The following COASY variants were observed in gnomAD, a reference collection of about 807,000 sequenced individuals.
The protein encoded by COASY is bifunctional coenzyme A synthase.
COASY carries 31 observed loss-of-function variants against 49.4 expected under a neutral mutation model. The observed-to-expected ratio is 0.63, with a 90% CI of 0.47 to 0.85. The LOEUF is 0.85. Among genes scored for constraint, COASY ranks in the 40% least tolerant of loss-of-function variants. COASY has a pLI of 0.00. For missense variants in COASY, 730 were observed against 734.1 expected (o/e 0.99, Z 0.06); for synonymous variants, 285 against 310.9 (o/e 0.92, Z 0.88).
At position 42,563,191 on chromosome 17, in the gene COASY, G is replaced by C; in HGVS notation, c.569G>C (p.Gly190Ala). 1 of 1,613,932 alleles carries C rather than the reference G, an allele frequency of 6.2e-7. No individual in the cohort carries two copies. The highest frequency in any genetic ancestry group is 8.5e-7 in the Non-Finnish European group (1 of 1,180,030). The change falls in exon 1 of 9, where the codon GGC (glycine) becomes GCC (alanine). Residue 190 changes from glycine to alanine, a missense_variant. Transcript: ENST00000393818. Reference protein sequence around the residue: ...VAGSPKQPVRGYYRGAVGGTF... With the variant: ...VAGSPKQPVRAYYRGAVGGTF... ...GGGTCTCCAAAGCAGCCGGTGCGTGGCTACTACCGTGGCGCTGTCGGTGGC... is the reference window on the plus strand; with the variant it reads ...GGGTCTCCAAAGCAGCCGGTGCGTGCCTACTACCGTGGCGCTGTCGGTGGC...
chr17:42,564,404 A>C, intron 2 of COASY, 42 bp from the exon 3 acceptor site: 2 of 1,607,592 alleles, frequency 1.2e-6, no homozygotes, highest in South Asian at 1.1e-5. Context: ...TCTTCCTCTC[A>C]CTCCCTCCTT....
chr17:42,562,981 C>T lies in COASY; in HGVS notation c.359C>T (p.Thr120Ile), dbSNP rs1391696454. The change falls in exon 1 of 9, where the codon ACC becomes ATC. Residue 120 changes from threonine to isoleucine, a missense_variant. Thr to Ile is a moderately conservative substitution (Grantham distance 89). Transcript: ENST00000393818. ...GAAGTCGTGTTGACAGATTTCCAGA[C>T]CCTGGATGGAAGCCAGTACAACCCG... ...PPEVVLTDFQ[T>I]LDGSQYNPVK... The T allele has an allele frequency of 2.5e-6, 4 of 1,614,036 alleles. No homozygotes were observed. The East Asian group carries it at 8.9e-5, about 36-fold the overall frequency.
intron 5 of COASY, 75 bp from the exon 6 acceptor site, chr17:42,565,152 T>G (rs544357049): frequency 6.3e-7 from 1 of 1,590,922 alleles, no homozygotes; most frequent in African/African-American, 1.3e-5. Context: ...CATTGATCTG[T>G]TCCCAACACC....
Position 42,563,192 on chromosome 17 carries a change from C to T in COASY, c.570C>T (p.Gly190=), listed in dbSNP as rs775831311. ...GGTCTCCAAAGCAGCCGGTGCGTGG[C>T]TACTACCGTGGCGCTGTCGGTGGCA... The part of the protein sequence containing the change: ...VAGSPKQPVR[G]YYRGAVGGTF... The change falls in exon 1 of 9, where the codon GGC becomes GGT. Residue 190 remains glycine, a synonymous_variant. Transcript: ENST00000393818. 4.3e-6 allele frequency: 7 copies of T among 1,613,880 alleles called. No individual in the cohort carries two copies. The South Asian group carries it at 5.5e-5, about 13-fold the overall frequency.
chr17:42,563,375 C>T, intron 1 of COASY, 53 bp downstream of exon 1: 1 of 1,461,540 alleles, frequency 6.8e-7, no homozygotes, highest in Non-Finnish European at 9.2e-7. Flanking sequence ...TCTCCCCACC[C>T]CCGACCCTTA....
Position 42,562,716 on chromosome 17 carries a change from C to T in COASY, c.94C>T (p.Leu32=). 1.3e-6 allele frequency: 2 copies of T among 1,574,118 alleles called. No individual in the cohort carries two copies. Among genetic ancestry groups the T allele is most frequent in the South Asian group, 1.1e-5 (1 of 88,084 alleles). The change falls in exon 1 of 9, where the codon CTG becomes TTG. Residue 32 remains leucine (L), a synonymous_variant. Transcript: ENST00000393818. ...CTCCATCCTGACCTCGGCGGCCCGG[C>T]TGGTGAATCACACACTCTATGTTCA... ...LASILTSAAR[L]VNHTLYVHLQ... is the part of the protein sequence containing the mutation.
At position 42,566,086 on chromosome 17, in the gene COASY, C is replaced by A; in HGVS notation, c.*118C>A. 9.3e-7 allele frequency: 1 copy of A among 1,070,340 alleles called. No homozygotes were observed. The highest frequency in any genetic ancestry group is 1.4e-6 in the Non-Finnish European group (1 of 708,426). 66.3% of individuals were successfully genotyped at this position (1,070,340 alleles called of 1,614,324 possible). A position where few individuals can be genotyped will look rare whatever the true frequency, so the allele number is the denominator to read the frequency against. On this transcript the variant is annotated 3_prime_UTR_variant, in exon 9 of 9. Coordinates refer to ENST00000393818, the MANE Select transcript of COASY (RefSeq NM_025233.7). ...GCCCAGAGGTCCAAGCTATACTGTGCAGGACATGGCCAGGCCTGGTGGACA... is the reference window on the plus strand; with the variant it reads ...GCCCAGAGGTCCAAGCTATACTGTGAAGGACATGGCCAGGCCTGGTGGACA...
rs1240486121 is a variant in COASY, at chr17:42,564,493, C to T, written c.963C>T (p.Leu321=). Residue 321 remains leucine (L), a synonymous_variant, in exon 3 of 9, where the codon CTC becomes CTT. Transcript: ENST00000393818. ...ACCAGATCCAGCTGCTGAAGGACCTCAGACATACAGAGAATGAAGAGGACA... is the reference window on the plus strand; with the variant it reads ...ACCAGATCCAGCTGCTGAAGGACCTTAGACATACAGAGAATGAAGAGGACA... ...ALYQIQLLKD[L]RHTENEEDKV... The T allele has an allele frequency of 1.2e-6, 2 of 1,613,472 alleles. No homozygotes were observed. Among genetic ancestry groups the T allele is most frequent in the Non-Finnish European group, 1.7e-6 (2 of 1,179,714 alleles).
In COASY at chr17:42,563,218, C is replaced by G; in HGVS notation, c.596C>G (p.Thr199Arg). Residue 199 changes from threonine (T) to arginine (R), a missense_variant, in exon 1 of 9, where the codon ACG (threonine) becomes AGG (arginine). Physicochemically the swap from Thr to Arg is moderately conservative, Grantham distance 71 (BLOSUM62 -1). Transcript: ENST00000393818. ...TACTACCGTGGCGCTGTCGGTGGCA[C>G]GTTTGACCGCCTGCACAACGCCCAC... ...RGYYRGAVGGTFDRLHNAHKV... is the reference protein window; with the variant it reads ...RGYYRGAVGGRFDRLHNAHKV... 6 of 1,613,674 alleles carry G rather than the reference C, an allele frequency of 3.7e-6. No individual in the cohort carries two copies. Among genetic ancestry groups the G allele is most frequent in the Non-Finnish European group, 5.1e-6 (6 of 1,180,012 alleles).
chr17:42,565,754 G>C lies in COASY; in HGVS notation c.1581G>C (p.Gln527His). Residue 527 changes from glutamine (Q) to histidine (H), a missense_variant, in exon 8 of 9, where the codon CAG becomes CAC. Coordinates refer to ENST00000393818, the MANE Select transcript of COASY (RefSeq NM_025233.7). Reference sequence around the variant, plus strand: ...TGAGCGGGCAGCAGCTTGTGGAACAGAGCCACGTGGTGCTCAGCACCTTGT... The same window carrying C: ...TGAGCGGGCAGCAGCTTGTGGAACACAGCCACGTGGTGCTCAGCACCTTGT... ...SQMSGQQLVE[Q>H]SHVVLSTLWE... The C allele has an allele frequency of 6.2e-7, 1 of 1,613,932 alleles. No individual in the cohort carries two copies.
In COASY at chr17:42,562,768, G is replaced by GCCCGGCTCAGC; in HGVS notation, c.150_160dup (p.Gln54ArgfsTer38). On this transcript the variant is annotated frameshift_variant, in exon 1 of 9. Coordinates refer to ENST00000393818, the MANE Select transcript of COASY (RefSeq NM_025233.7). LOFTEE classifies it high-confidence loss of function. ...CTGCAGCCGGGCATGAGCCTGGAGG[G>GCCCGGCTCAGC]CCCGGCTCAGCCCCAGTCCAGCCCC... The GCCCGGCTCAGC allele has an allele frequency of 6.2e-7, 1 of 1,600,032 alleles. No individual in the cohort carries two copies. The highest frequency in any genetic ancestry group is 2.2e-5 in the East Asian group (1 of 44,510).
chr17:42,562,830 C>T lies in COASY; in HGVS notation c.208C>T (p.His70Tyr). Residue 70 changes from histidine (H) to tyrosine (Y), a missense_variant, in exon 1 of 9, where the codon CAC becomes TAC. Transcript: ENST00000393818. ...ATFEVLDFIT[H>Y]LYAGADVHRH... is the part of the protein sequence containing the mutation. ...GTTTGAGGTTCTTGATTTCATCACGCACCTCTATGCTGGCGCCGACGTCCA... is the reference window on the plus strand; with the variant it reads ...GTTTGAGGTTCTTGATTTCATCACGTACCTCTATGCTGGCGCCGACGTCCA... 1 of 1,613,168 alleles carries T rather than the reference C, an allele frequency of 6.2e-7. No individual in the cohort carries two copies. Among genetic ancestry groups the T allele is most frequent in the Non-Finnish European group, 8.5e-7 (1 of 1,179,516 alleles).
At position 42,563,337 on chromosome 17, in the gene COASY, C is replaced by A. The variant is rs2092987115; in HGVS notation, c.700+15C>A. 2 of 1,566,270 alleles carry A rather than the reference C, an allele frequency of 1.3e-6. No homozygotes were observed. The highest frequency in any genetic ancestry group is 1.7e-6 in the Non-Finnish European group (2 of 1,155,568). ...TCTGTTGAAGAGTGAGTAAGAGGGA[C>A]CCTGGACTAGGGTGGAGGATCCCCA... On this transcript the variant is annotated intron_variant, in intron 1 of 8. Coordinates refer to ENST00000393818, the MANE Select transcript of COASY (RefSeq NM_025233.7).
chr17:42,562,431 G>C lies in COASY; in HGVS notation c.-192G>C, dbSNP rs1187712729. On this transcript the variant is annotated 5_prime_UTR_variant, in exon 1 of 9. Coordinates refer to ENST00000393818, the MANE Select transcript of COASY (RefSeq NM_025233.7). Reference sequence around the variant, plus strand: ...TGAGAAATGAGGACACCAAGGCTTAGAGCACAGCCCCGAGGCGCCGTCTAC... The same window carrying C: ...TGAGAAATGAGGACACCAAGGCTTACAGCACAGCCCCGAGGCGCCGTCTAC... The C allele has an allele frequency of 3.1e-6, 5 of 1,613,922 alleles. No homozygotes were observed. In the South Asian group the frequency reaches 5.5e-5, roughly 18 times the overall value.
Position 42,565,476 on chromosome 17 carries a change from C to CGTGT in COASY, c.1401_1404dup (p.Ile469CysfsTer3), listed in dbSNP as rs560987504. 1.8e-5 allele frequency: 29 copies of CGTGT among 1,613,524 alleles called. No individual in the cohort carries two copies. The highest frequency in any genetic ancestry group is 2.5e-5 in the Non-Finnish European group (29 of 1,179,646). ...TGACTGGGGTCTCCCCACAGGAAAG[C>CGTGT]GTGTGTGTGTGATTGATGCCGCTGT... On this transcript the variant is annotated frameshift_variant, in exon 7 of 9. Transcript: ENST00000393818. LOFTEE classifies it high-confidence loss of function.
At position 42,562,718 on chromosome 17, in the gene COASY, G is replaced by A. The variant is rs745576360; in HGVS notation, c.96G>A (p.Leu32=). The change falls in exon 1 of 9, where the codon CTG becomes CTA. Residue 32 remains leucine, a synonymous_variant. Coordinates refer to ENST00000393818, the MANE Select transcript of COASY (RefSeq NM_025233.7). ...CCATCCTGACCTCGGCGGCCCGGCT[G>A]GTGAATCACACACTCTATGTTCACC... The part of the protein sequence containing the change: ...LASILTSAAR[L]VNHTLYVHLQ... 31 of 1,575,378 alleles carry A rather than the reference G, an allele frequency of 2.0e-5. No individual in the cohort carries two copies. The highest frequency in any genetic ancestry group is 2.4e-5 in the Non-Finnish European group (28 of 1,159,114).
intron 1 of COASY, 93 bp from the exon 2 acceptor site, chr17:42,563,868 G>C: frequency 1.0e-6 from 1 of 981,066 alleles, no homozygotes; most frequent in Non-Finnish European, 1.5e-6. Flanking sequence ...CCCCCTCTGG[G>C]GATACTGTAC....
At chr17:42,565,397 T>C in intron 6 of COASY, 74 bp from the exon 7 acceptor site, 6 of 1,606,916 alleles carry the variant, frequency 3.7e-6, no homozygotes, top group Non-Finnish European at 5.1e-6. Flanking sequence ...CGTGGGACTG[T>C]CTGTTCACCC....
At position 42,565,724 on chromosome 17, in the gene COASY, C is replaced by T. The variant is rs1225279446; in HGVS notation, c.1551C>T (p.Ser517=). The change falls in exon 8 of 9, where the codon AGC becomes AGT. Residue 517 remains serine, a synonymous_variant. Coordinates refer to ENST00000393818, the MANE Select transcript of COASY (RefSeq NM_025233.7). ...SEAAAQSRLQ[S]QMSGQQLVEQ... ...CCGCGGCTCAAAGCCGGCTGCAGAG[C>T]CAGATGAGCGGGCAGCAGCTTGTGG... 8 of 1,613,864 alleles carry T rather than the reference C, an allele frequency of 5.0e-6. No homozygotes were observed. Among genetic ancestry groups the T allele is most frequent in the Non-Finnish European group, 6.8e-6 (8 of 1,180,038 alleles).
Sources: allele counts gnomAD v4.1 joint callset, GRCh38; gene constraint gnomAD v4.1.1; transcripts MANE v1.5; gene names NCBI Gene and HGNC (gene_info 2026-07-23, HGNC 2026-07-21).